The following ENOX2 variants were observed in gnomAD, a reference collection of about 807,000 sequenced individuals.
ENOX2 encodes ecto-NOX disulfide-thiol exchanger 2, also known as APK1 antigen.
ENOX2 carries 36 observed loss-of-function variants against 45.0 expected under a neutral mutation model. The ratio of observed to expected loss-of-function variants is 0.80; its 90% CI spans 0.61 to 1.06. The LOEUF (loss-of-function observed/expected upper bound fraction) is 1.06. Ranked by LOEUF, ENOX2 falls within the 50% of genes least tolerant of loss-of-function variation. ENOX2 has a pLI of 0.00. For missense variants in ENOX2, 423 were observed against 462.5 expected, an observed-to-expected ratio of 0.91 and a Z score of 0.78; for synonymous variants, 174 against 152.3, an observed-to-expected ratio of 1.14 and a Z score of -1.05.
intron 2 of ENOX2, among the ~76,000 whole-genome samples, chrX:130,833,010 A>ATC (rs1274071718): frequency 4.2e-5 from 3 of 71,851 alleles, no homozygotes; most frequent in African/African-American, 1.9e-4. Context: ...TTCATGTATA[A>ATC]TCACACACAC....
chrX:130,707,433 T>C (rs979362140), intron 3 of ENOX2, among the ~76,000 whole-genome samples: 1 of 111,025 alleles, frequency 9.0e-6, no homozygotes. Flanking sequence ...CTCTGCCATC[T>C]GTTTATTTTT....
intron 3 of ENOX2, among the ~76,000 whole-genome samples, chrX:130,731,083 T>G (rs1178108216): frequency 9.0e-6 from 1 of 110,901 alleles, no homozygotes. Flanking sequence ...GGAATTTTAT[T>G]TTTGGTTTAC....
chrX:130,885,320 A>G (rs2078882545), intron 2 of ENOX2, among the ~76,000 whole-genome samples: 1 of 111,195 alleles, frequency 9.0e-6, no homozygotes, highest in Non-Finnish European at 1.9e-5. Flanking sequence ...GTAACCTGTA[A>G]GTTTAGGCTG....
chrX:130,695,175 C>T (rs954477027), intron 4 of ENOX2, among the ~76,000 whole-genome samples: 3 of 111,697 alleles, frequency 2.7e-5, no homozygotes, highest in South Asian at 3.8e-4. Flanking sequence ...CAACCTTGTA[C>T]GTGGCCTTCA....
chrX:130,739,250 C>A (rs2038926700), intron 3 of ENOX2, among the ~76,000 whole-genome samples: 1 of 112,524 alleles, frequency 8.9e-6, no homozygotes, highest in East Asian at 2.8e-4. Flanking sequence ...TGAGCTGCAG[C>A]TCCCAGTGAG....
At chrX:130,690,354 A>G (rs1054477238) in intron 4 of ENOX2, among the ~76,000 whole-genome samples, 1 of 111,568 alleles carries the variant, frequency 9.0e-6, no homozygotes. Context: ...CCTGAGGAGG[A>G]GCCCCACTTG....
chrX:130,847,345 T>C (rs1207609157), intron 2 of ENOX2, among the ~76,000 whole-genome samples: 1 of 112,105 alleles, frequency 8.9e-6, no homozygotes, highest in Non-Finnish European at 1.9e-5. Flanking sequence ...GGCATCCATC[T>C]GTACATTATA....
At chrX:130,748,724 C>T (rs1259549483) in intron 3 of ENOX2, among the ~76,000 whole-genome samples, 1 of 111,482 alleles carries the variant, frequency 9.0e-6, no homozygotes, top group East Asian at 2.8e-4. Context: ...GATATAGTTC[C>T]AGTAGACACA....
intron 2 of ENOX2, among the ~76,000 whole-genome samples, chrX:130,853,158 G>A (rs373416349): frequency 7.8e-4 from 86 of 109,728 alleles, no homozygotes; most frequent in African/African-American, 2.6e-3. Flanking sequence ...ATGCCAATGG[G>A]CAGAGGGAAA....
chrX:130,860,241 G>A (rs1409000845), intron 2 of ENOX2, among the ~76,000 whole-genome samples: 1 of 112,236 alleles, frequency 8.9e-6, no homozygotes, highest in African/African-American at 3.2e-5. Context: ...ACAGGCATGA[G>A]CCACTGTGCC....
intron 3 of ENOX2, among the ~76,000 whole-genome samples, chrX:130,723,435 A>G (rs775104441): frequency 8.9e-6 from 1 of 112,217 alleles, no homozygotes; most frequent in South Asian, 3.7e-4. Flanking sequence ...TCTTTATTTG[A>G]ACATTCATTA....
chrX:130,634,404 T>G (rs951111470), intron 12 of ENOX2, among the ~76,000 whole-genome samples: 2 of 111,827 alleles, frequency 1.8e-5, no homozygotes, highest in African/African-American at 6.5e-5. Flanking sequence ...CTGGTCCTCA[T>G]TGGTGGTTCT....
chrX:130,780,044 T>C (rs1028510773), intron 3 of ENOX2, among the ~76,000 whole-genome samples: 8 of 111,433 alleles, frequency 7.2e-5, no homozygotes, highest in African/African-American at 2.3e-4. Flanking sequence ...AAGGGGAGCA[T>C]GCTGGGAAAG....
chrX:130,632,397 GTGA>G, intron 12 of ENOX2, among the ~76,000 whole-genome samples: 1 of 91,331 alleles, frequency 1.1e-5, no homozygotes, highest in African/African-American at 3.8e-5. Context: ...AGAAACTCAG[GTGA>G]AATCCATGAC....
At chrX:130,716,769 C>T (rs900328779) in intron 3 of ENOX2, among the ~76,000 whole-genome samples, 6 of 112,378 alleles carry the variant, frequency 5.3e-5, no homozygotes, top group Non-Finnish European at 7.5e-5. Flanking sequence ...TATTTTGCCA[C>T]GTTTAATTCA....
chrX:130,863,996 G>A (rs1040264277), intron 2 of ENOX2, among the ~76,000 whole-genome samples: 1 of 110,778 alleles, frequency 9.0e-6, no homozygotes, highest in African/African-American at 3.3e-5. Context: ...GTTTGTAGTT[G>A]TAAGAGTCAC....
chrX:130,793,429 G>A (rs1358822426), intron 2 of ENOX2, among the ~76,000 whole-genome samples: 1 of 111,873 alleles, frequency 8.9e-6, no homozygotes, highest in African/African-American at 3.2e-5. Context: ...TCTTTGCTTG[G>A]ATTCTGTTTA....
At chrX:130,885,496 A>G (rs1220041683) in intron 2 of ENOX2, among the ~76,000 whole-genome samples, 4 of 112,115 alleles carry the variant, frequency 3.6e-5, no homozygotes, top group Non-Finnish European at 7.5e-5. Context: ...TCATTCAGTA[A>G]CCAACAACTA....
At chrX:130,657,360 C>T (rs1005082596) in intron 9 of ENOX2, among the ~76,000 whole-genome samples, 1 of 111,660 alleles carries the variant, frequency 9.0e-6, no homozygotes, top group Middle Eastern at 4.6e-3. Context: ...GCAATTTAGT[C>T]TGAGGTAGAC....
Sources: allele counts gnomAD v4.1 joint callset (sites outside exome capture counted in the v4.1 genomes callset), GRCh38; gene constraint gnomAD v4.1.1; transcripts MANE v1.5; gene names NCBI Gene and HGNC (gene_info 2026-07-23, HGNC 2026-07-21).